AZIN1: variants seen among roughly 807,000 people sequenced by gnomAD.
The protein encoded by AZIN1 is antizyme inhibitor 1, also known as ornithine decarboxylase antizyme inhibitor.
In AZIN1, 12 loss-of-function variants were observed where a neutral mutation model predicts 47.4. The ratio of observed to expected loss-of-function variants is 0.25; its 90% CI spans 0.16 to 0.41. AZIN1 has a LOEUF of 0.41. Ranked by LOEUF, AZIN1 falls within the 10% of genes least tolerant of loss-of-function variation. The pLI is 1.00. For synonymous variants in AZIN1, 155 were observed against 176.3 expected (o/e 0.88, Z 0.96); for missense variants, 410 against 532.4 (o/e 0.77, Z 2.26).
At chr8:102,856,329 C>A (rs914643890) in intron 2 of AZIN1, among the ~76,000 whole-genome samples, 2 of 152,080 alleles carry the variant, frequency 1.3e-5, no homozygotes, top group African/African-American at 2.4e-5. Flanking sequence ...AAGTTAAAAG[C>A]CAGTTATTCT....
intron 2 of AZIN1, chr8:102,855,670 T>C (rs1244212776): frequency 1.3e-5 from 2 of 152,210 alleles, no homozygotes; most frequent in Non-Finnish European, 2.9e-5. Flanking sequence ...CTACATGCTT[T>C]GCAATGCTAT....
At chr8:102,845,448 T>C (rs1337681705) in intron 2 of AZIN1, among the ~76,000 whole-genome samples, 1 of 152,208 alleles carries the variant, frequency 6.6e-6, no homozygotes, top group Non-Finnish European at 1.5e-5. Flanking sequence ...GAGGCCTATC[T>C]AAATAGACCT....
chr8:102,838,477 C>T (rs920456410), intron 5 of AZIN1, among the ~76,000 whole-genome samples: 5 of 152,170 alleles, frequency 3.3e-5, no homozygotes, highest in African/African-American at 9.7e-5. Flanking sequence ...ATTTGATTAT[C>T]ACACCAACTA....
At chr8:102,843,964 G>A (rs569197915) in intron 2 of AZIN1, among the ~76,000 whole-genome samples, 2 of 152,242 alleles carry the variant, frequency 1.3e-5, no homozygotes, top group African/African-American at 4.8e-5. Flanking sequence ...ATTTGAAGGG[G>A]TAACTCACAT....
At chr8:102,847,068 G>A (rs1006693637) in intron 2 of AZIN1, among the ~76,000 whole-genome samples, 3 of 152,128 alleles carry the variant, frequency 2.0e-5, no homozygotes, top group Non-Finnish European at 4.4e-5. Context: ...TGTTACTTCA[G>A]AAGTAACAGC....
chr8:102,847,162 A>T (rs1812616379), intron 2 of AZIN1, among the ~76,000 whole-genome samples: 1 of 152,186 alleles, frequency 6.6e-6, no homozygotes, highest in South Asian at 2.1e-4. Flanking sequence ...TATTGGCAGT[A>T]CTTGACAAAA....
chr8:102,830,383 CAGAATG>C (rs1811361972), intron 9 of AZIN1, among the ~76,000 whole-genome samples: 2 of 113,536 alleles, frequency 1.8e-5, no homozygotes, highest in Non-Finnish European at 3.4e-5. Flanking sequence ...GCCTGGGTGA[CAGAATG>C]AGACCCTGTC....
At chr8:102,831,315 T>A (rs1026090127) in intron 9 of AZIN1, among the ~76,000 whole-genome samples, 1 of 152,004 alleles carries the variant, frequency 6.6e-6, no homozygotes, top group African/African-American at 2.4e-5. Flanking sequence ...TAAACAATAA[T>A]GAAGTTAGAA....
chr8:102,844,718 C>A (rs1812452677), intron 2 of AZIN1, among the ~76,000 whole-genome samples: 1 of 151,754 alleles, frequency 6.6e-6, no homozygotes, highest in Admixed American at 6.6e-5. Context: ...TTGTCAATTA[C>A]CAGAAATGCA....
chr8:102,834,286 T>A, intron 7 of AZIN1, 23 bp from the exon 8 acceptor site: 1 of 1,589,092 alleles, frequency 6.3e-7, no homozygotes, highest in Non-Finnish European at 8.6e-7. Flanking sequence ...AAAAAAAATT[T>A]AAATGTTTTT....
At chr8:102,855,467 G>A (rs1220790765) in intron 2 of AZIN1, 9 of 152,118 alleles carry the variant, frequency 5.9e-5, no homozygotes, top group South Asian at 2.1e-4. Context: ...CAGTGTTTGC[G>A]TACTACATCA....
chr8:102,848,195 C>A (rs1812695928), intron 2 of AZIN1, among the ~76,000 whole-genome samples: 1 of 151,908 alleles, frequency 6.6e-6, no homozygotes, highest in African/African-American at 2.4e-5. Flanking sequence ...TCTGTATGTA[C>A]ACTATGATGT....
At chr8:102,836,170 C>G (rs915762070) in intron 6 of AZIN1, 86 bp downstream of exon 6, 8 of 1,385,086 alleles carry the variant, frequency 5.8e-6, no homozygotes, top group Non-Finnish European at 7.9e-6. Flanking sequence ...AGATTTCATG[C>G]AAATAAAGTC....
chr8:102,828,545 C>A lies in AZIN1; in HGVS notation c.*22G>T. The A allele has an allele frequency of 6.6e-7, 1 of 1,509,898 alleles. No individual in the cohort carries two copies. The highest frequency in any genetic ancestry group is 9.1e-7 in the Non-Finnish European group (1 of 1,094,652). The allele number at this position is 1,509,898 out of a possible 1,614,324, so 93.5% of individuals were successfully genotyped here. On this transcript the variant is annotated 3_prime_UTR_variant, in exon 12 of 12. Coordinates refer to ENST00000337198, the MANE Select transcript of AZIN1 (RefSeq NM_148174.4). ...ACAAGCTTAACCTGCAACTTCAGATCTAAAGAAGCGTTAATGCCTGTTTAA... is the reference window on the plus strand; with the variant it reads ...ACAAGCTTAACCTGCAACTTCAGATATAAAGAAGCGTTAATGCCTGTTTAA...
In AZIN1 at chr8:102,827,183, C is replaced by G. The variant is rs1485581645; in HGVS notation, c.*1384G>C. On this transcript the variant is annotated 3_prime_UTR_variant, in exon 12 of 12. Coordinates refer to ENST00000337198, the MANE Select transcript of AZIN1 (RefSeq NM_148174.4). ...CTCTTGGGAGACAGAAATTCCACAC[C>G]TGAACACAGAGTAAGTTAGGAAAAA... 1 of 152,504 alleles carries G rather than the reference C, an allele frequency of 6.6e-6. No homozygotes were observed. The highest frequency in any genetic ancestry group is 1.9e-4 in the East Asian group (1 of 5,196). The allele number at this position is 152,504 out of a possible 1,614,324, so 9.4% of individuals were successfully genotyped here.
At chr8:102,830,851 G>C (rs1287253414) in intron 9 of AZIN1, among the ~76,000 whole-genome samples, 4 of 151,530 alleles carry the variant, frequency 2.6e-5, no homozygotes, top group Admixed American at 6.6e-5. Flanking sequence ...GTGGGAATCT[G>C]TGTGTGTGTG....
At chr8:102,832,753 G>A (rs1811543124) in intron 9 of AZIN1, among the ~76,000 whole-genome samples, 1 of 151,654 alleles carries the variant, frequency 6.6e-6, no homozygotes, top group Non-Finnish European at 1.5e-5. Flanking sequence ...CGATTTTTGT[G>A]CCTCAGCCTC....
At chr8:102,858,829 TA>T (rs2131286113) in intron 1 of AZIN1, among the ~76,000 whole-genome samples, 1 of 152,322 alleles carries the variant, frequency 6.6e-6, no homozygotes, top group African/African-American at 2.4e-5. Context: ...CAGGAACAAA[TA>T]AATGTGATAA....
chr8:102,856,722 A>C (rs1440505463), intron 2 of AZIN1, among the ~76,000 whole-genome samples: 4 of 152,240 alleles, frequency 2.6e-5, no homozygotes, highest in Non-Finnish European at 5.9e-5. Flanking sequence ...TATATCTCCA[A>C]GTCAACTTGG....
Sources: allele counts gnomAD v4.1 joint callset (sites outside exome capture counted in the v4.1 genomes callset), GRCh38; gene constraint gnomAD v4.1.1; transcripts MANE v1.5; gene names NCBI Gene and HGNC (gene_info 2026-07-23, HGNC 2026-07-21).